Variants in FDX1 observed in about 807,000 individuals in gnomAD.
FDX1 encodes ferredoxin 1, also known as adrenodoxin, mitochondrial.
A neutral mutation model predicts 14.9 loss-of-function variants in FDX1; 9 were observed. The ratio of observed to expected loss-of-function variants is 0.60; its 90% CI spans 0.36 to 1.05. FDX1 has a LOEUF of 1.05. FDX1 is among the 50% of genes least tolerant of loss of function. FDX1 has a pLI of 0.01. For missense variants in FDX1, 204 were observed against 237.2 expected (o/e 0.86, Z 0.92); for synonymous variants, 92 against 99.4 (o/e 0.93, Z 0.44).
intron 1 of FDX1, among the ~76,000 whole-genome samples, chr11:110,432,000 G>A (rs543598888): frequency 3.9e-5 from 6 of 152,154 alleles, no homozygotes; most frequent in Admixed American, 3.9e-4. Context: ...ATTCAATCTC[G>A]TAGTTACACT....
chr11:110,443,409 C>T lies in FDX1; in HGVS notation c.310+7451C>T, dbSNP rs1368470136. On this transcript the variant is annotated intron_variant, in intron 2 of 3. Coordinates refer to ENST00000260270, the MANE Select transcript of FDX1 (RefSeq NM_004109.5). ...CTCCCCACCACATCATTTAACATGC[C>T]GTCTGTGGTTTTTGGACTTAATAAT... Among the ~76,000 whole-genome samples the T allele has an allele frequency of 7.3e-5, 11 of 150,322 alleles. No homozygotes were observed. In the South Asian group the frequency reaches 1.1e-3, roughly 14 times the overall value.
intron 2 of FDX1, among the ~76,000 whole-genome samples, chr11:110,443,560 C>T (rs1271757229): frequency 6.6e-6 from 1 of 151,532 alleles, no homozygotes; most frequent in Non-Finnish European, 1.5e-5. Context: ...CCTGCCTTAG[C>T]CTCCTGAGTA....
chr11:110,460,861 C>A (rs1488676126), intron 3 of FDX1, among the ~76,000 whole-genome samples: 1 of 152,196 alleles, frequency 6.6e-6, no homozygotes, highest in African/African-American at 2.4e-5. Context: ...AACTCTGATG[C>A]TGTCTCTTTA....
chr11:110,440,872 A>G (rs1175392719), intron 2 of FDX1, among the ~76,000 whole-genome samples: 2 of 152,258 alleles, frequency 1.3e-5, no homozygotes, highest in South Asian at 4.1e-4. Flanking sequence ...TCACTTGGTG[A>G]AGGGTAATGG....
At chr11:110,448,021 TATAAAC>T (rs1386125299) in intron 2 of FDX1, among the ~76,000 whole-genome samples, 1 of 152,244 alleles carries the variant, frequency 6.6e-6, no homozygotes, top group Non-Finnish European at 1.5e-5. Flanking sequence ...AGTTCAAACT[TATAAAC>T]ATTCTCATTG....
chr11:110,439,495 C>T (rs551768093), intron 2 of FDX1, among the ~76,000 whole-genome samples: 1 of 152,310 alleles, frequency 6.6e-6, no homozygotes, highest in South Asian at 2.1e-4. Context: ...GTGTGAGCCA[C>T]CACACCCGGC....
chr11:110,430,840 C>T (rs963228726), intron 1 of FDX1, among the ~76,000 whole-genome samples: 4 of 152,222 alleles, frequency 2.6e-5, no homozygotes, highest in African/African-American at 9.6e-5. Flanking sequence ...CTCTGCTGCC[C>T]TGTAGGCCCT....
intron 2 of FDX1, among the ~76,000 whole-genome samples, chr11:110,448,380 A>G (rs1946465351): frequency 6.6e-6 from 1 of 152,228 alleles, no homozygotes; most frequent in Non-Finnish European, 1.5e-5. Flanking sequence ...TCTAATATAT[A>G]ATATTCCCAC....
At chr11:110,454,069 C>T (rs556959023) in intron 2 of FDX1, among the ~76,000 whole-genome samples, 5 of 152,172 alleles carry the variant, frequency 3.3e-5, no homozygotes, top group East Asian at 1.9e-4. Flanking sequence ...AGAATAAATA[C>T]GGGACTAGAA....
At chr11:110,430,785 G>T (rs886155798) in intron 1 of FDX1, among the ~76,000 whole-genome samples, 1 of 152,166 alleles carries the variant, frequency 6.6e-6, no homozygotes, top group Non-Finnish European at 1.5e-5. Context: ...CAGGTCCCAG[G>T]TCTTTGTCAG....
chr11:110,458,799 G>A (rs1026057571), intron 3 of FDX1, among the ~76,000 whole-genome samples: 5 of 151,968 alleles, frequency 3.3e-5, no homozygotes, highest in African/African-American at 4.8e-5. Flanking sequence ...GTAGAGACGG[G>A]GTTTCACCAT....
At chr11:110,449,574 A>G (rs1442130434) in intron 2 of FDX1, among the ~76,000 whole-genome samples, 2 of 152,198 alleles carry the variant, frequency 1.3e-5, no homozygotes, top group East Asian at 1.9e-4. Flanking sequence ...GAAATACACA[A>G]TACATTATTA....
chr11:110,442,102 G>A (rs1946408318), intron 2 of FDX1, among the ~76,000 whole-genome samples: 1 of 152,238 alleles, frequency 6.6e-6, no homozygotes, highest in East Asian at 1.9e-4. Flanking sequence ...TGGGGCTTGG[G>A]AACCTCCGCC....
At chr11:110,457,215 G>C (rs1946528117) in intron 3 of FDX1, among the ~76,000 whole-genome samples, 168 bp downstream of exon 3, 1 of 152,088 alleles carries the variant, frequency 6.6e-6, no homozygotes, top group Admixed American at 6.6e-5. Flanking sequence ...TGTTTTCACT[G>C]TTCTACAGTT....
At chr11:110,444,489 A>T (rs1328338230) in intron 2 of FDX1, among the ~76,000 whole-genome samples, 6 of 150,464 alleles carry the variant, frequency 4.0e-5, no homozygotes, top group African/African-American at 1.2e-4. Context: ...GGTGGCATAC[A>T]CCTGTAGTCC....
At chr11:110,429,782 C>T (rs7940715), upstream of FDX1, 95,788 of 195,342 alleles carry the variant, frequency 0.49, 24,933 homozygotes, top group African/African-American at 0.67. Flanking sequence ...TGTTTCTGCA[C>T]GGCAACTTCA....
At chr11:110,430,349 C>A (rs1422616998) in intron 1 of FDX1, 44 bp downstream of exon 1, 1 of 1,155,518 alleles carries the variant, frequency 8.7e-7, no homozygotes, top group South Asian at 4.3e-5. Context: ...GGCCGGGGTC[C>A]CCGGTGGGTG....
rs76518210 is a variant in FDX1 at position 110,463,929 on chromosome 11, G to A, written c.*1461G>A. ...TTTTTTTTTTTTTGGTGGGGGGAGCGGGGGACAGGGTCTTACTCTGTCACT... is the reference window on the plus strand; with the variant it reads ...TTTTTTTTTTTTTGGTGGGGGGAGCAGGGGACAGGGTCTTACTCTGTCACT... On this transcript the variant is annotated 3_prime_UTR_variant, in exon 4 of 4. Coordinates refer to ENST00000260270, the MANE Select transcript of FDX1 (RefSeq NM_004109.5). 32 of 148,888 alleles carry A rather than the reference G, an allele frequency of 2.1e-4. No individual in the cohort carries two copies. The highest frequency in any genetic ancestry group is 8.6e-4 in the South Asian group (4 of 4,670). 9.2% of individuals were successfully genotyped at this position (148,888 alleles called of 1,614,324 possible). A position where few individuals can be genotyped will look rare whatever the true frequency, so the allele number is the denominator to read the frequency against.
chr11:110,462,132 G>A (rs1243674225), intron 3 of FDX1, among the ~76,000 whole-genome samples: 2 of 152,172 alleles, frequency 1.3e-5, no homozygotes, highest in Admixed American at 6.5e-5. Flanking sequence ...AGGCTAAAAT[G>A]AAGCTTTGGT....
Sources: allele counts gnomAD v4.1 joint callset (sites outside exome capture counted in the v4.1 genomes callset), GRCh38; gene constraint gnomAD v4.1.1; transcripts MANE v1.5; gene names NCBI Gene and HGNC (gene_info 2026-07-23, HGNC 2026-07-21).